EGFLAM: variants seen among roughly 807,000 people sequenced by gnomAD.
EGFLAM encodes the protein EGF like, fibronectin type III and laminin G domains, also known as pikachurin.
In EGFLAM, 79 loss-of-function variants were observed where a neutral mutation model predicts 113.1. The observed-to-expected ratio is 0.70, with a 90% CI of 0.58 to 0.84. The LOEUF is 0.84. EGFLAM is among the 40% of genes least tolerant of loss of function. EGFLAM has a pLI of 0.00. For synonymous variants in EGFLAM, 504 were observed against 487.6 expected, an observed-to-expected ratio of 1.03 and a Z score of -0.44; for missense variants, 1,265 against 1,291.6, an observed-to-expected ratio of 0.98 and a Z score of 0.32.
At chr5:38,290,866 G>C (rs927373442) in intron 1 of EGFLAM, 1 of 152,494 alleles carries the variant, frequency 6.6e-6, no homozygotes, top group Non-Finnish European at 1.5e-5. Context: ...CAGATCACGA[G>C]GTCAGGAGAT....
intron 1 of EGFLAM, among the ~76,000 whole-genome samples, chr5:38,313,297 T>G (rs1738505040): frequency 6.6e-6 from 1 of 152,208 alleles, no homozygotes; most frequent in East Asian, 1.9e-4. Context: ...ACTGCCTTGT[T>G]TACATGCATC....
intron 5 of EGFLAM, among the ~76,000 whole-genome samples, chr5:38,353,458 G>A (rs1378691470): frequency 6.6e-6 from 1 of 152,152 alleles, no homozygotes. Context: ...CATTCCTAAG[G>A]CTCTCTGAAG....
At chr5:38,334,974 T>C (rs1203766380) in intron 1 of EGFLAM, among the ~76,000 whole-genome samples, 1 of 152,198 alleles carries the variant, frequency 6.6e-6, no homozygotes, top group Admixed American at 6.5e-5. Context: ...GGAGTACTAC[T>C]GTCATTTAGT....
chr5:38,306,930 C>G (rs1324820980), intron 1 of EGFLAM, among the ~76,000 whole-genome samples: 1 of 152,150 alleles, frequency 6.6e-6, no homozygotes, highest in Non-Finnish European at 1.5e-5. Context: ...ACAGGAGAAT[C>G]AATAAACCCG....
intron 1 of EGFLAM, among the ~76,000 whole-genome samples, chr5:38,263,063 T>G (rs772092091): frequency 3.3e-5 from 5 of 152,176 alleles, no homozygotes. Flanking sequence ...CAGTTTTAGT[T>G]TGCATTTCTC....
chr5:38,431,388 C>A, intron 15 of EGFLAM, 100 bp downstream of exon 15: 1 of 1,177,880 alleles, frequency 8.5e-7, no homozygotes, highest in Non-Finnish European at 1.2e-6. Context: ...TGGTTAACTA[C>A]ATGGACTTCA....
Position 38,352,096 on chromosome 5 carries a change from T to C in EGFLAM, c.410-100T>C, listed in dbSNP as rs1321850976. ...CACTCGAGCTGTTTATGTATTATATTAAACGTCTCCAATGGCTGAGACCAC... is the reference window on the plus strand; with the variant it reads ...CACTCGAGCTGTTTATGTATTATATCAAACGTCTCCAATGGCTGAGACCAC... On this transcript the variant is annotated intron_variant, in intron 4 of 21. Coordinates refer to ENST00000322350, the MANE Select transcript of EGFLAM (RefSeq NM_152403.4). The C allele has an allele frequency of 2.6e-6, 4 of 1,546,954 alleles. No individual in the cohort carries two copies. The Admixed American group carries it at 7.4e-5, about 28-fold the overall frequency.
At chr5:38,397,042 A>T (rs1411831261) in intron 6 of EGFLAM, among the ~76,000 whole-genome samples, 1 of 152,198 alleles carries the variant, frequency 6.6e-6, no homozygotes, top group Non-Finnish European at 1.5e-5. Context: ...TGCTGTGTGG[A>T]TGTGCATAAA....
Position 38,352,283 on chromosome 5 carries a change from C to T in EGFLAM, c.497C>T (p.Ala166Val), listed in dbSNP as rs374589503. ...GTGGCCCTGTCTTGGAAACCTGGAG[C>T]GAGTGAAGGAAGCGCCCCTATTCAG... ...SEVALSWKPG[A>V]SEGSAPIQYY... The change falls in exon 5 of 22, where the codon GCG becomes GTG. Residue 166 changes from alanine to valine, a missense_variant. Coordinates refer to ENST00000322350, the MANE Select transcript of EGFLAM (RefSeq NM_152403.4). The T allele has an allele frequency of 6.2e-6, 10 of 1,614,014 alleles. No individual in the cohort carries two copies. Among genetic ancestry groups the T allele is most frequent in the Admixed American group, 3.3e-5 (2 of 60,014 alleles).
chr5:38,373,578 T>A (rs1272028013), intron 6 of EGFLAM, among the ~76,000 whole-genome samples: 1 of 152,212 alleles, frequency 6.6e-6, no homozygotes, highest in African/African-American at 2.4e-5. Context: ...TTCATGTTGC[T>A]TAAAAGACGT....
intron 1 of EGFLAM, among the ~76,000 whole-genome samples, chr5:38,300,864 A>G (rs886138725): frequency 1.3e-5 from 2 of 152,210 alleles, no homozygotes; most frequent in Non-Finnish European, 2.9e-5. Context: ...TAAAACTAAC[A>G]GAATTTCCTG....
Position 38,438,441 on chromosome 5 carries a change from T to G in EGFLAM, c.2450T>G (p.Leu817Arg), listed in dbSNP as rs751239078. ...GACTGCCCCTTGGGCTTTGAGGGGCTTCACTGCCAGAAAGGTACGCTCAGG... is the reference window on the plus strand; with the variant it reads ...GACTGCCCCTTGGGCTTTGAGGGGCGTCACTGCCAGAAAGGTACGCTCAGG... ...DCDCPLGFEGLHCQKAIIEAI... is the reference protein window; with the variant it reads ...DCDCPLGFEGRHCQKAIIEAI... The change falls in exon 17 of 22, where the codon CTT becomes CGT. Residue 817 changes from leucine to arginine, a missense_variant. Physicochemically the swap from Leu to Arg is moderately radical, Grantham distance 102 (BLOSUM62 -2). Transcript: ENST00000322350. 26 of 1,608,778 alleles carry G rather than the reference T, an allele frequency of 1.6e-5. No homozygotes were observed. Among genetic ancestry groups the G allele is most frequent in the Middle Eastern group, 1.6e-4 (1 of 6,068 alleles).
chr5:38,260,201 G>C (rs2589787), intron 1 of EGFLAM, among the ~76,000 whole-genome samples: 1 of 152,090 alleles, frequency 6.6e-6, no homozygotes, highest in African/African-American at 2.4e-5. Context: ...TCAGTGAAGG[G>C]CTTCTTTCTA....
intron 19 of EGFLAM, among the ~76,000 whole-genome samples, chr5:38,456,834 A>G (rs1743103721): frequency 6.6e-6 from 1 of 152,256 alleles, no homozygotes; most frequent in Admixed American, 6.5e-5. Context: ...GGAGGGAGTC[A>G]TCCCAGGTGG....
At position 38,313,143 on chromosome 5, in the gene EGFLAM, ATAAT is replaced by A. The variant is rs532626141; in HGVS notation, c.98-24372_98-24369del. ...TAAAATATACAGAAAAGTAGACATAATAATTAATGGTTTTGAGCCAAACACAATT... is the reference window on the plus strand; with the variant it reads ...TAAAATATACAGAAAAGTAGACATAATAATGGTTTTGAGCCAAACACAATT... On this transcript the variant is annotated intron_variant, in intron 1 of 21. Transcript: ENST00000322350. Among the ~76,000 whole-genome samples the A allele has an allele frequency of 1.0e-3, 158 of 152,302 alleles. 1 individual carries two copies. Among genetic ancestry groups the A allele is most frequent in the African/African-American group, 3.6e-3 (151 of 41,576 alleles).
At chr5:38,458,635 C>A (rs989375267) in intron 20 of EGFLAM, among the ~76,000 whole-genome samples, 7 of 152,114 alleles carry the variant, frequency 4.6e-5, no homozygotes, top group Non-Finnish European at 7.4e-5. Flanking sequence ...GAGAAGAAAC[C>A]TTTTGATGGC....
intron 6 of EGFLAM, among the ~76,000 whole-genome samples, chr5:38,385,288 C>T (rs1487575033): frequency 2.9e-4 from 32 of 109,668 alleles, no homozygotes; most frequent in African/African-American, 1.1e-3. Context: ...ACCCCCCCCC[C>T]CCGCCCCCGC....
intron 6 of EGFLAM, among the ~76,000 whole-genome samples, chr5:38,405,265 C>G (rs1294706657): frequency 6.6e-6 from 1 of 152,112 alleles, no homozygotes; most frequent in African/African-American, 2.4e-5. Flanking sequence ...TGATGGAATA[C>G]TCTCAAAGGC....
intron 10 of EGFLAM, among the ~76,000 whole-genome samples, chr5:38,410,511 G>A (rs1211923337): frequency 1.3e-5 from 2 of 152,196 alleles, no homozygotes; most frequent in Non-Finnish European, 2.9e-5. Context: ...GAGGGCCTGA[G>A]AAGTGGCTGC....
Sources: allele counts gnomAD v4.1 joint callset (sites outside exome capture counted in the v4.1 genomes callset), GRCh38; gene constraint gnomAD v4.1.1; transcripts MANE v1.5; gene names NCBI Gene and HGNC (gene_info 2026-07-23, HGNC 2026-07-21).